ZGLP1: variants seen among roughly 807,000 people sequenced by gnomAD.
ZGLP1 encodes the protein GATA-type zinc finger protein 1.
ZGLP1 carries 11 observed loss-of-function variants against 21.4 expected under a neutral mutation model. That is an observed-to-expected ratio of 0.51 (90% CI 0.32 to 0.85). The LOEUF is 0.85. ZGLP1 is among the 40% of genes least tolerant of loss of function. The probability of loss-of-function intolerance (pLI) is 0.03; values close to 1 mark genes in which losing one functional copy is unlikely to be tolerated. For missense variants in ZGLP1, 295 were observed against 355.6 expected, an observed-to-expected ratio of 0.83 and a Z score of 1.37; for synonymous variants, 148 against 145.0, an observed-to-expected ratio of 1.02 and a Z score of -0.15.
chr19:10,305,452 C>G lies in ZGLP1; in HGVS notation c.636G>C (p.Gln212His). ...CAGCGTCTCTCCAGAGCGGGGTCCT[C>G]TGGGTCCGACAGGAAGCACAGCGCC... Residue 212 changes from glutamine to histidine, a missense_variant, in exon 3 of 4, where the codon CAG becomes CAC. By Grantham distance (24) the Gln-to-His change is conservative. This residue lies in a region of ZGLP1 where 43 missense variants were observed against 91.7 expected (regional missense o/e 0.47). Coordinates refer to ENST00000403903, the Ensembl canonical transcript of ZGLP1. This position sits in a 1 kb window ranked among gnomAD's most constrained non-coding sequence, Gnocchi z 4.7. The G allele has an allele frequency of 6.3e-7, 1 of 1,599,936 alleles. No individual in the cohort carries two copies. Among genetic ancestry groups the G allele is most frequent in the Non-Finnish European group, 8.5e-7 (1 of 1,173,438 alleles).
In ZGLP1 at chr19:10,305,715, G is replaced by C. The variant is rs369217987; in HGVS notation, c.604+131C>G. On this transcript the variant is annotated intron_variant, in intron 2 of 3. Coordinates refer to ENST00000403903, the Ensembl canonical transcript of ZGLP1. The surrounding 1 kb of genome is among the most constrained non-coding windows in gnomAD (Gnocchi z 4.7). ...GGGTGACTCAGCCCAAGTGGAGGGG[G>C]GTGCTGCGACTCCTCCCTGAGGGCT... is the stretch of plus-strand genomic sequence containing the variant. 197 of 794,808 alleles carry C rather than the reference G, an allele frequency of 2.5e-4. 1 individual carries two copies. In the East Asian group the frequency reaches 2.5e-3, roughly 10 times the overall value. The allele number at this position is 794,808 out of a possible 1,614,324, so 49.2% of individuals were successfully genotyped here.
exon 1 of ZGLP1, chr19:10,308,418 C>A: frequency 6.2e-7 from 1 of 1,609,174 alleles, no homozygotes. Flanking sequence ...GGCCCTGAGT[C>A]CCCAGAGCCA....
chr19:10,308,626 GC>G lies in ZGLP1; in HGVS notation c.55del (p.Ala19ProfsTer113). 1 of 1,531,104 alleles carries G rather than the reference GC, an allele frequency of 6.5e-7. No individual in the cohort carries two copies. The highest frequency in any genetic ancestry group is 8.8e-7 in the Non-Finnish European group (1 of 1,139,560). 94.8% of individuals were successfully genotyped at this position (1,531,104 alleles called of 1,614,324 possible). ...AGCCGGCCAGGGGGTTCCAACTTGGGCCGGCTCTTTGTGTACCCTTGGACAG... is the reference window on the plus strand; with the variant it reads ...AGCCGGCCAGGGGGTTCCAACTTGGGCGGCTCTTTGTGTACCCTTGGACAG... On this transcript the variant is annotated frameshift_variant, in exon 1 of 4. Transcript: ENST00000403903. LOFTEE classifies it high-confidence loss of function.
At chr19:10,306,345 T>C (rs1325378489) in intron 1 of ZGLP1, among the ~76,000 whole-genome samples, 1 of 151,898 alleles carries the variant, frequency 6.6e-6, no homozygotes, top group Non-Finnish European at 1.5e-5. Flanking sequence ...ACTCCTGACC[T>C]CAAGTGATCC....
At position 10,308,378 on chromosome 19, in the gene ZGLP1, T is replaced by C. The variant is rs369313242; in HGVS notation, c.304A>G (p.Thr102Ala). 10 of 1,608,206 alleles carry C rather than the reference T, an allele frequency of 6.2e-6. No individual in the cohort carries two copies. The African/African-American group carries it at 1.3e-4, about 22-fold the overall frequency. Reference sequence around the variant, plus strand: ...CCCTTTTGGCTGATCCTGGTCTGTGTGTCCTTGGAATCCCTGTCCAGCAGC... The same window carrying C: ...CCCTTTTGGCTGATCCTGGTCTGTGCGTCCTTGGAATCCCTGTCCAGCAGC... The change falls in exon 1 of 4, where the codon ACA (threonine) becomes GCA (alanine). Residue 102 changes from threonine to alanine, a missense_variant. Around this residue, in one of 2 missense-constraint regions of ZGLP1, gnomAD observed 252 missense variants for 264.0 expected, o/e 0.95. Transcript: ENST00000403903.
At chr19:10,309,634 TCGG>T (rs1192247756) in exon 1 of ZGLP1, 2 of 152,460 alleles carry the variant, frequency 1.3e-5, no homozygotes, top group Non-Finnish European at 1.5e-5. Flanking sequence ...GCGACCAGCC[TCGG>T]CGGCACCTTT....
chr19:10,309,581 TG>T (rs1373302989), exon 1 of ZGLP1: 2 of 152,554 alleles, frequency 1.3e-5, no homozygotes, highest in African/African-American at 2.4e-5. Flanking sequence ...ACCTGTGTGG[TG>T]GGAGCGCTCT....
exon 1 of ZGLP1, chr19:10,308,571 G>A (rs377587408): frequency 2.5e-6 from 4 of 1,592,556 alleles, no homozygotes; most frequent in African/African-American, 1.3e-5. Context: ...GGGCAGTGGG[G>A]TCACGTTTTC....
chr19:10,309,521 G>A (rs1428127617), exon 1 of ZGLP1: 1 of 152,672 alleles, frequency 6.5e-6, no homozygotes, highest in African/African-American at 2.4e-5. Flanking sequence ...AATTTCACCC[G>A]GCCCTGTCCC....
chr19:10,308,754 C>A, exon 1 of ZGLP1: 2 of 1,362,346 alleles, frequency 1.5e-6, no homozygotes, highest in Non-Finnish European at 1.9e-6. Context: ...GCCTCCCAGG[C>A]ACGCCCAGCC....
exon 1 of ZGLP1, chr19:10,308,822 A>G: frequency 1.5e-6 from 1 of 647,142 alleles, no homozygotes; most frequent in Non-Finnish European, 2.3e-6. Flanking sequence ...GGACCGCCCT[A>G]GGTGACCGAG....
chr19:10,306,302 G>T (rs946474147), intron 1 of ZGLP1, among the ~76,000 whole-genome samples: 1 of 151,754 alleles, frequency 6.6e-6, no homozygotes, highest in African/African-American at 2.4e-5. Flanking sequence ...TAGTACAGAC[G>T]GGGTTTCACC....
At chr19:10,308,906 G>A (rs2040296196) in exon 1 of ZGLP1, 5 of 383,068 alleles carry the variant, frequency 1.3e-5, no homozygotes, top group South Asian at 1.0e-4. Flanking sequence ...TTTAGAGACC[G>A]AGCCTCACTC....
In ZGLP1 at chr19:10,305,878, G is replaced by C. The variant is rs199597072; in HGVS notation, c.572C>G (p.Thr191Ser). ...CTCGCTGCCTGCTGAGTGGGCCTCG[G>C]TGCCTCCTGGGTGGGCTGCAGGGCC... The change falls in exon 2 of 4, where the codon ACC becomes AGC. Residue 191 changes from threonine (T) to serine (S), a missense_variant. Coordinates refer to ENST00000403903, the Ensembl canonical transcript of ZGLP1. The surrounding 1 kb of genome is among the most constrained non-coding windows in gnomAD (Gnocchi z 4.7). 2.4e-4 allele frequency: 369 copies of C among 1,561,062 alleles called. No homozygotes were observed. The highest frequency in any genetic ancestry group is 3.0e-4 in the Non-Finnish European group (344 of 1,151,450).
chr19:10,306,029 G>A (rs1421029489), intron 1 of ZGLP1, 77 bp from the exon 3 acceptor site: 2 of 1,061,288 alleles, frequency 1.9e-6, no homozygotes, highest in Non-Finnish European at 2.7e-6. Flanking sequence ...TGAAGATTTA[G>A]TATCAAGGTA....
chr19:10,305,673 G>A lies in ZGLP1; in HGVS notation c.604+173C>T, dbSNP rs1293679529. 1 of 742,718 alleles carries A rather than the reference G, an allele frequency of 1.3e-6. No homozygotes were observed. The highest frequency in any genetic ancestry group is 2.3e-6 in the Non-Finnish European group (1 of 439,618). 46.0% of individuals were successfully genotyped at this position (742,718 alleles called of 1,614,324 possible). A position where few individuals can be genotyped will look rare whatever the true frequency, so the allele number is the denominator to read the frequency against. On this transcript the variant is annotated intron_variant, in intron 2 of 3. Coordinates refer to ENST00000403903, the Ensembl canonical transcript of ZGLP1. This position sits in a 1 kb window ranked among gnomAD's most constrained non-coding sequence, Gnocchi z 4.7. ...AGACAGATGGCAGCATTCCGCAGAG[G>A]AGGAAGCTGGGGGTGGGGGTGACTC...
At chr19:10,308,103 G>A (rs1418296347) in intron 1 of ZGLP1, 82 bp downstream of exon 2, 19 of 1,488,940 alleles carry the variant, frequency 1.3e-5, no homozygotes, top group Admixed American at 2.3e-5. Context: ...CCACACCGAC[G>A]CCAGAGAGCA....
At chr19:10,308,073 C>T (rs2145043213) in intron 1 of ZGLP1, 112 bp downstream of exon 2, 2 of 1,418,404 alleles carry the variant, frequency 1.4e-6, no homozygotes, top group African/African-American at 1.4e-5. Flanking sequence ...CCACGTGTAA[C>T]GTAGAGCACA....
chr19:10,305,881 C>G lies in ZGLP1; in HGVS notation c.569G>C (p.Gly190Ala), dbSNP rs1161498290. 1 of 1,562,214 alleles carries G rather than the reference C, an allele frequency of 6.4e-7. No homozygotes were observed. Among genetic ancestry groups the G allele is most frequent in the Admixed American group, 1.9e-5 (1 of 52,484 alleles). ...GCTGCCTGCTGAGTGGGCCTCGGTG[C>G]CTCCTGGGTGGGCTGCAGGGCCCCC... Residue 190 changes from glycine to alanine, a missense_variant, in exon 2 of 4, where the codon GGC (glycine) becomes GCC (alanine). Transcript: ENST00000403903. This position sits in a 1 kb window ranked among gnomAD's most constrained non-coding sequence, Gnocchi z 4.7.
Sources: gnomAD v4.1 joint callset for allele counts (sites outside exome capture counted in the v4.1 genomes callset) on GRCh38, gnomAD v4.1.1 for gene constraint, gnomAD v4.1.1 regional missense constraint, Gnocchi (gnomAD v3.1) non-coding constraint, MANE v1.5 for transcripts, NCBI Gene and HGNC (gene_info 2026-07-23, HGNC 2026-07-21) for gene names.